The following HDAC9 variants were observed in gnomAD, a reference collection of about 807,000 sequenced individuals.
HDAC9 encodes the protein MEF-2 interacting transcription repressor (MITR) protein.
In HDAC9, 41 loss-of-function variants were observed where a neutral mutation model predicts 139.4. The ratio of observed to expected loss-of-function variants is 0.29; its 90% CI spans 0.23 to 0.38. The LOEUF is 0.38. Ranked by LOEUF, HDAC9 falls within the 10% of genes least tolerant of loss-of-function variation. HDAC9 has a pLI of 1.00. For missense variants in HDAC9, 1,147 were observed against 1,297.0 expected, an observed-to-expected ratio of 0.88 and a Z score of 1.78; for synonymous variants, 517 against 476.2, an observed-to-expected ratio of 1.09 and a Z score of -1.12.
chr7:18,702,251 T>A (rs212671), intron 12 of HDAC9, among the ~76,000 whole-genome samples: 6 of 151,930 alleles, frequency 3.9e-5, no homozygotes, highest in African/African-American at 1.5e-4. Context: ...ATTTCCGTGC[T>A]TACTGACAAC....
chr7:18,754,909 G>C (rs781071427), intron 14 of HDAC9, among the ~76,000 whole-genome samples: 2 of 152,086 alleles, frequency 1.3e-5, no homozygotes, highest in Non-Finnish European at 2.9e-5. Flanking sequence ...GAATGTGCAG[G>C]TTTTCTGATA....
In HDAC9 at chr7:18,123,557, G is replaced by A. The variant is rs369029866; in HGVS notation, c.-97+36344G>A. 2.0e-4 allele frequency among the ~76,000 whole-genome samples: 31 copies of A among 152,294 alleles called. 1 individual carries two copies. In the East Asian group the frequency reaches 5.6e-3, roughly 28 times the overall value. On this transcript the variant is annotated intron_variant, in intron 1 of 12. Coordinates refer to the HDAC9 transcript ENST00000417496. ...TTTCTATTGGGAAAATGCATTTGGA[G>A]TTTAGCTTGGAATAGACTAGAATTT...
intron 2 of HDAC9, among the ~76,000 whole-genome samples, chr7:18,169,372 G>A (rs879346400): frequency 2.6e-5 from 4 of 151,954 alleles, no homozygotes; most frequent in Admixed American, 2.6e-4. Context: ...TAGATTTACA[G>A]AATTTTGAGT....
At chr7:18,389,516 A>G (rs1786260411) in intron 1 of HDAC9, among the ~76,000 whole-genome samples, 1 of 152,118 alleles carries the variant, frequency 6.6e-6, no homozygotes, top group Non-Finnish European at 1.5e-5. Context: ...TAAAGGCTAG[A>G]TCTGAAATGG....
In HDAC9 at chr7:18,406,556, G is replaced by A. The variant is rs184823847; in HGVS notation, c.-41-89706G>A. On this transcript the variant is annotated intron_variant, in intron 1 of 3. Transcript: ENST00000413509. ...CTACAGGTGCCTGCCACCATGCCCG[G>A]CTAATTTTTTGTATTTTTAGTAGAG... is the stretch of plus-strand genomic sequence containing the variant. Among the ~76,000 whole-genome samples, 877 of 152,074 alleles carry A rather than the reference G, an allele frequency of 5.8e-3. 6 individuals are homozygous for A. The highest frequency in any genetic ancestry group is 0.02 in the African/African-American group (829 of 41,478).
intron 1 of HDAC9, among the ~76,000 whole-genome samples, chr7:18,117,901 T>C (rs116122601): frequency 0.013 from 1,910 of 152,264 alleles, 34 homozygotes; most frequent in African/African-American, 0.043. Context: ...GCTCCCTGGA[T>C]TGACTCTTTC....
chr7:18,236,758 C>T (rs564736709), intron 2 of HDAC9, among the ~76,000 whole-genome samples: 9 of 152,056 alleles, frequency 5.9e-5, no homozygotes, highest in African/African-American at 1.4e-4. Context: ...GGGGTGGGGG[C>T]GACAAAGCTT....
At chr7:18,757,942 C>A (rs1237147511) in intron 14 of HDAC9, among the ~76,000 whole-genome samples, 1 of 152,136 alleles carries the variant, frequency 6.6e-6, no homozygotes, top group Non-Finnish European at 1.5e-5. Flanking sequence ...AACTCCCAAC[C>A]TGAATATAGA....
intron 17 of HDAC9, among the ~76,000 whole-genome samples, chr7:18,826,855 A>G (rs748366186): frequency 7.3e-5 from 11 of 150,398 alleles, no homozygotes; most frequent in Non-Finnish European, 1.2e-4. Flanking sequence ...TGTAAACACA[A>G]CTTTTCTGGT....
At chr7:18,925,030 CT>C (rs1219373918) in intron 22 of HDAC9, among the ~76,000 whole-genome samples, 1 of 152,036 alleles carries the variant, frequency 6.6e-6, no homozygotes, top group Non-Finnish European at 1.5e-5. Flanking sequence ...GATATATTTC[CT>C]TTTCAAACTG....
chr7:18,887,448 T>A (rs1360878271), intron 22 of HDAC9, among the ~76,000 whole-genome samples: 3 of 152,242 alleles, frequency 2.0e-5, no homozygotes. Flanking sequence ...ACTTCTTTTT[T>A]TGTGTCTTGA....
intron 12 of HDAC9, among the ~76,000 whole-genome samples, chr7:18,717,037 A>G (rs968224909): frequency 2.0e-5 from 3 of 147,952 alleles, no homozygotes; most frequent in Non-Finnish European, 4.4e-5. Context: ...TGGCATGAAA[A>G]ATGTGCTAGG....
At chr7:18,397,001 G>C (rs1240873547) in intron 1 of HDAC9, among the ~76,000 whole-genome samples, 2 of 151,928 alleles carry the variant, frequency 1.3e-5, no homozygotes, top group Non-Finnish European at 2.9e-5. Flanking sequence ...TCAGTCTTCT[G>C]AGTGAGAGAA....
chr7:18,337,196 T>C (rs1781647139), intron 1 of HDAC9, among the ~76,000 whole-genome samples: 1 of 151,650 alleles, frequency 6.6e-6, no homozygotes, highest in Non-Finnish European at 1.5e-5. Flanking sequence ...AACTTTCAAA[T>C]GCTCCCCCTT....
At chr7:18,698,561 G>T (rs1783223908) in intron 12 of HDAC9, among the ~76,000 whole-genome samples, 1 of 152,190 alleles carries the variant, frequency 6.6e-6, no homozygotes, top group African/African-American at 2.4e-5. Context: ...TGACCTTGGA[G>T]CTCTCAGTCT....
intron 16 of HDAC9, among the ~76,000 whole-genome samples, chr7:18,776,635 A>G (rs1790790509): frequency 6.6e-6 from 1 of 152,006 alleles, no homozygotes; most frequent in African/African-American, 2.4e-5. Context: ...GGAAGCAAGG[A>G]AGGGGTGTGG....
intron 1 of HDAC9, among the ~76,000 whole-genome samples, chr7:18,362,640 A>G (rs1422831929): frequency 3.9e-5 from 6 of 152,150 alleles, no homozygotes. Context: ...ACCCTTATTC[A>G]TGTTGTAGGA....
chr7:18,743,503 T>A (rs1193093896), intron 13 of HDAC9, among the ~76,000 whole-genome samples: 1 of 152,036 alleles, frequency 6.6e-6, no homozygotes, highest in East Asian at 1.9e-4. Context: ...ATTTAAAAAT[T>A]ACACTGTTTG....
intron 25 of HDAC9, among the ~76,000 whole-genome samples, chr7:18,989,122 A>G (rs1293748653): frequency 7.1e-6 from 1 of 140,918 alleles, no homozygotes. Context: ...TTAGCTGGTG[A>G]TTTTGCTCGT....
Sources: gnomAD v4.1 joint callset for allele counts (sites outside exome capture counted in the v4.1 genomes callset) on GRCh38, gnomAD v4.1.1 for gene constraint, MANE v1.5 for transcripts, NCBI Gene and HGNC (gene_info 2026-07-23, HGNC 2026-07-21) for gene names.